KLHL5: variants seen among roughly 807,000 people sequenced by gnomAD.
The protein encoded by KLHL5 is kelch-like protein 5.
KLHL5 carries 48 observed loss-of-function variants against 77.7 expected under a neutral mutation model. The observed-to-expected ratio is 0.62, with a 90% confidence interval of 0.49 to 0.79. KLHL5 has a LOEUF of 0.79. Ranked by LOEUF, KLHL5 falls within the 30% of genes least tolerant of loss-of-function variation. The pLI is 0.00. For synonymous variants in KLHL5, 260 were observed against 297.0 expected (o/e 0.88, Z 1.28); for missense variants, 723 against 859.7 (o/e 0.84, Z 1.99).
At chr4:39,101,877 T>TACACACAC (rs57547974) in intron 6 of KLHL5, among the ~76,000 whole-genome samples, 2 of 108,544 alleles carry the variant, frequency 1.8e-5, no homozygotes, top group South Asian at 3.1e-4. Context: ...TATATATATA[T>TACACACAC]ACACACACAC....
chr4:39,080,664 GATA>G (rs1368198185), intron 2 of KLHL5, among the ~76,000 whole-genome samples: 52 of 151,858 alleles, frequency 3.4e-4, no homozygotes, highest in African/African-American at 1.1e-3. Flanking sequence ...TGCAGACTAA[GATA>G]ATAATAGAAT....
At chr4:39,079,084 T>C (rs146443746) in intron 2 of KLHL5, among the ~76,000 whole-genome samples, 12 of 152,304 alleles carry the variant, frequency 7.9e-5, no homozygotes, top group South Asian at 2.1e-4. Context: ...CCGAATTTCA[T>C]AGAGGCACCT....
chr4:39,098,052 C>T (rs931743939), intron 6 of KLHL5, among the ~76,000 whole-genome samples: 4 of 150,872 alleles, frequency 2.7e-5, no homozygotes, highest in African/African-American at 4.9e-5. Flanking sequence ...AGGAGGATCA[C>T]CTGAGGCCAG....
intron 1 of KLHL5, chr4:39,063,496 C>A: frequency 2.5e-6 from 1 of 399,702 alleles, no homozygotes; most frequent in Non-Finnish European, 5.2e-6. Context: ...TTATAGTCAC[C>A]AATTTTTTGA....
At chr4:39,132,353 A>C in the KLHL5 span, among the ~76,000 whole-genome samples, 1 of 152,212 alleles carries the variant, frequency 6.6e-6, no homozygotes, top group African/African-American at 2.4e-5. Flanking sequence ...TCACTCTTGT[A>C]ATCCCAGCAC....
intron 10 of KLHL5, chr4:39,115,625 C>T (rs3733279): frequency 0.57 from 779,067 of 1,368,104 alleles, 223,998 homozygotes; most frequent in Admixed American, 0.59. Flanking sequence ...TGGAGGGCTG[C>T]AACAATGGGA....
At chr4:39,090,825 C>T (rs1456722032) in intron 5 of KLHL5, among the ~76,000 whole-genome samples, 2 of 151,298 alleles carry the variant, frequency 1.3e-5, no homozygotes, top group Non-Finnish European at 2.9e-5. Flanking sequence ...TATTTTGAGG[C>T]AGGGTCTCAC....
chr4:39,053,267 A>C (rs1234663053), intron 1 of KLHL5, among the ~76,000 whole-genome samples: 3 of 152,244 alleles, frequency 2.0e-5, no homozygotes, highest in African/African-American at 7.2e-5. Flanking sequence ...CTACAGCAGA[A>C]TCAAGTTGAT....
intron 5 of KLHL5, among the ~76,000 whole-genome samples, chr4:39,094,678 T>TA (rs199684788): frequency 8.0e-5 from 12 of 150,062 alleles, no homozygotes; most frequent in African/African-American, 1.5e-4. Context: ...GAATAAAGAA[T>TA]AAAAAAAAAC....
At position 39,125,688 on chromosome 4, in the gene KLHL5, C is replaced by T. The variant is rs1405692634; in HGVS notation, c.*4622C>T. 6.6e-6 allele frequency among the ~76,000 whole-genome samples: 1 copy of T among 152,046 alleles called. No individual in the cohort carries two copies. The highest frequency in any genetic ancestry group is 2.4e-5 in the African/African-American group (1 of 41,388). On this transcript the variant is annotated 3_prime_UTR_variant, in exon 11 of 11. Transcript: ENST00000504108. ...AAAGCAGATAAATGGTTGTAAGAAG[C>T]TGAGAGAAAGGAGTGGGGAGAGATT...
the KLHL5 span, among the ~76,000 whole-genome samples, chr4:39,137,041 G>C: frequency 2.0e-5 from 3 of 152,222 alleles, no homozygotes; most frequent in Non-Finnish European, 4.4e-5. Context: ...GGTTTTCACT[G>C]TTGGAGAAGG....
downstream of KLHL5, among the ~76,000 whole-genome samples, chr4:39,128,697 T>C (rs1251114287): frequency 6.6e-6 from 1 of 152,200 alleles, no homozygotes; most frequent in East Asian, 1.9e-4. Flanking sequence ...ACGCAGTGGC[T>C]CACACCTGTA....
intron 8 of KLHL5, among the ~76,000 whole-genome samples, chr4:39,109,005 C>T (rs1722248349): frequency 6.6e-6 from 1 of 152,052 alleles, no homozygotes; most frequent in Non-Finnish European, 1.5e-5. Context: ...CCTTAACCCA[C>T]CTAAAGTACA....
At chr4:39,114,430 C>T (rs1390403623) in intron 9 of KLHL5, among the ~76,000 whole-genome samples, 1 of 151,552 alleles carries the variant, frequency 6.6e-6, no homozygotes, top group Non-Finnish European at 1.5e-5. Flanking sequence ...AAAGGCCCCA[C>T]CTCCCAACAC....
intron 7 of KLHL5, 85 bp from the exon 8 acceptor site, chr4:39,107,484 T>C (rs1722136925): frequency 9.4e-7 from 1 of 1,064,352 alleles, no homozygotes; most frequent in African/African-American, 1.6e-5. Context: ...TGTTTAAGGC[T>C]TATTGTACTT....
chr4:39,050,190 T>A (rs1301535059), intron 1 of KLHL5, among the ~76,000 whole-genome samples: 1 of 152,228 alleles, frequency 6.6e-6, no homozygotes, highest in Non-Finnish European at 1.5e-5. Context: ...ATGATGTGTA[T>A]ACACACATAT....
intron 4 of KLHL5, among the ~76,000 whole-genome samples, chr4:39,082,804 G>A (rs1237411529): frequency 6.6e-6 from 1 of 152,126 alleles, no homozygotes; most frequent in Non-Finnish European, 1.5e-5. Flanking sequence ...ATTGACCTAG[G>A]ATAGTAAGAA....
Position 39,122,664 on chromosome 4 carries a change from T to A in KLHL5, c.*1598T>A, listed in dbSNP as rs569241953. 3.4e-3 allele frequency among the ~76,000 whole-genome samples: 519 copies of A among 151,802 alleles called. 2 individuals are homozygous for A. The highest frequency in any genetic ancestry group is 0.012 in the African/African-American group (497 of 41,378). On this transcript the variant is annotated 3_prime_UTR_variant, in exon 11 of 11. Coordinates refer to ENST00000504108, the MANE Select transcript of KLHL5 (RefSeq NM_015990.5). ...ACTAAAAATAAAAAATAAAAAAAAA[T>A]TAGCCAGGCGTGGTGGCGGGTGCCT...
intron 1 of KLHL5, among the ~76,000 whole-genome samples, chr4:39,074,015 T>G (rs1217247170): frequency 6.6e-6 from 1 of 152,096 alleles, no homozygotes; most frequent in Non-Finnish European, 1.5e-5. Flanking sequence ...TCCTGTCTCC[T>G]AAATTTTAAA....
Sources: gnomAD v4.1 joint callset for allele counts (sites outside exome capture counted in the v4.1 genomes callset) on GRCh38, gnomAD v4.1.1 for gene constraint, MANE v1.5 for transcripts, NCBI Gene and HGNC (gene_info 2026-07-23, HGNC 2026-07-21) for gene names.